Variants in TRIM24 observed in about 807,000 individuals in gnomAD.
The protein encoded by TRIM24 is tripartite motif containing 24.
Under a neutral mutation model 123.9 loss-of-function variants are expected in TRIM24, and 29 were observed. The ratio of observed to expected loss-of-function variants is 0.23; its 90% CI spans 0.17 to 0.32. TRIM24 has a LOEUF of 0.32. Ranked by LOEUF, TRIM24 falls within the 10% of genes least tolerant of loss-of-function variation. The pLI is 1.00. For synonymous variants in TRIM24, 456 were observed against 461.1 expected, an observed-to-expected ratio of 0.99 and a Z score of 0.14; for missense variants, 932 against 1,295.3, an observed-to-expected ratio of 0.72 and a Z score of 4.31.
chr7:138,577,462 C>T lies in TRIM24; in HGVS notation c.2130C>T (p.His710=). Residue 710 remains histidine (H), a synonymous_variant, in exon 14 of 19, where the codon CAC becomes CAT. Transcript: ENST00000343526. ...SSKPAGADST[H]KVPVVMLEPI... Reference sequence around the variant, plus strand: ...AACCAGCAGGAGCTGACTCTACACACAAAGTCCCAGTGGTCATGCTGGAGC... The same window carrying T: ...AACCAGCAGGAGCTGACTCTACACATAAAGTCCCAGTGGTCATGCTGGAGC... 6.3e-7 allele frequency: 1 copy of T among 1,599,430 alleles called. No homozygotes were observed. The highest frequency in any genetic ancestry group is 1.1e-5 in the South Asian group (1 of 88,932).
At chr7:138,478,532 A>G (rs1795454534) in intron 1 of TRIM24, among the ~76,000 whole-genome samples, 1 of 152,160 alleles carries the variant, frequency 6.6e-6, no homozygotes, top group South Asian at 2.1e-4. Flanking sequence ...GCTAGAGTGC[A>G]GTAGTGCAAA....
intron 1 of TRIM24, among the ~76,000 whole-genome samples, chr7:138,496,583 T>C (rs1795910676): frequency 6.6e-6 from 1 of 152,216 alleles, no homozygotes; most frequent in African/African-American, 2.4e-5. Flanking sequence ...CTTTATCAGG[T>C]TGAAGAAGTT....
chr7:138,535,714 G>A (rs901724468), intron 6 of TRIM24, among the ~76,000 whole-genome samples: 14 of 152,066 alleles, frequency 9.2e-5, no homozygotes, highest in Admixed American at 7.2e-4. Flanking sequence ...TCTTCTCAAG[G>A]AGTATCTTTG....
chr7:138,581,788 T>C lies in TRIM24; in HGVS notation c.2793+17T>C, dbSNP rs1437141477. ...CCTCTAACTGTAAGTATTAATGTCA[T>C]TTTCTGCATGTTTACACAGTGGAAT... On this transcript the variant is annotated intron_variant, in intron 17 of 18. Coordinates refer to ENST00000343526, the MANE Select transcript of TRIM24 (RefSeq NM_015905.3). 6.3e-7 allele frequency: 1 copy of C among 1,596,070 alleles called. No individual in the cohort carries two copies. The highest frequency in any genetic ancestry group is 8.6e-7 in the Non-Finnish European group (1 of 1,165,570).
intron 1 of TRIM24, among the ~76,000 whole-genome samples, chr7:138,496,716 G>A (rs1795915219): frequency 6.6e-6 from 1 of 151,884 alleles, no homozygotes; most frequent in Admixed American, 6.6e-5. Flanking sequence ...GCCCAGGCTG[G>A]TCTTGAACTC....
intron 1 of TRIM24, among the ~76,000 whole-genome samples, chr7:138,494,603 A>C (rs1300814680): frequency 1.3e-5 from 2 of 152,148 alleles, no homozygotes; most frequent in African/African-American, 4.8e-5. Flanking sequence ...AACAACAACA[A>C]AAAGAAAGAT....
intron 1 of TRIM24, among the ~76,000 whole-genome samples, chr7:138,473,352 G>A (rs948687135): frequency 6.6e-6 from 1 of 152,194 alleles, no homozygotes; most frequent in Non-Finnish European, 1.5e-5. Context: ...TCTACTTACT[G>A]TATGCAGACT....
intron 2 of TRIM24, among the ~76,000 whole-genome samples, chr7:138,508,708 CG>C (rs1200468663): frequency 6.6e-5 from 9 of 136,286 alleles, no homozygotes; most frequent in African/African-American, 2.1e-4. Context: ...CGCGTGTGTG[CG>C]TGTGTGTGTG....
chr7:138,580,028 G>A (rs1192086223), intron 15 of TRIM24, among the ~76,000 whole-genome samples: 1 of 152,130 alleles, frequency 6.6e-6, no homozygotes, highest in Non-Finnish European at 1.5e-5. Context: ...AGTTTATTAT[G>A]TCTTTTTGCC....
At chr7:138,465,283 A>G (rs973774484) in intron 1 of TRIM24, among the ~76,000 whole-genome samples, 3 of 152,080 alleles carry the variant, frequency 2.0e-5, no homozygotes, top group Admixed American at 6.6e-5. Context: ...CTTGACTGTC[A>G]TTTTCTTAGT....
chr7:138,478,897 C>T (rs1795464600), intron 1 of TRIM24, among the ~76,000 whole-genome samples: 1 of 152,092 alleles, frequency 6.6e-6, no homozygotes, highest in Non-Finnish European at 1.5e-5. Context: ...TAAATAGGAA[C>T]CCAAGGTGCT....
At chr7:138,503,396 G>T (rs1796081887) in intron 1 of TRIM24, among the ~76,000 whole-genome samples, 1 of 151,822 alleles carries the variant, frequency 6.6e-6, no homozygotes, top group Non-Finnish European at 1.5e-5. Flanking sequence ...CCTGCACAAT[G>T]ACCTTCACAA....
chr7:138,472,479 C>T (rs1795292710), intron 1 of TRIM24, among the ~76,000 whole-genome samples: 1 of 152,104 alleles, frequency 6.6e-6, no homozygotes, highest in African/African-American at 2.4e-5. Context: ...TTCTGAGCCC[C>T]CCACTGATTT....
intron 6 of TRIM24, among the ~76,000 whole-genome samples, chr7:138,531,293 G>GTGTTACATATGTTACATA: frequency 6.8e-6 from 1 of 147,910 alleles, no homozygotes; most frequent in Admixed American, 6.6e-5. Flanking sequence ...ATGTATACAT[G>GTGTTACATATGTTACATA]TGCCATGTTC....
chr7:138,503,462 A>T (rs564634582), intron 1 of TRIM24, among the ~76,000 whole-genome samples: 11 of 151,490 alleles, frequency 7.3e-5, no homozygotes, highest in East Asian at 5.8e-4. Context: ...TTGTAAAAAA[A>T]TTTTTTTTTC....
chr7:138,476,051 T>TA (rs982604159), intron 1 of TRIM24, among the ~76,000 whole-genome samples: 9 of 151,682 alleles, frequency 5.9e-5, no homozygotes, highest in Non-Finnish European at 1.0e-4. Flanking sequence ...AGCTTTCATT[T>TA]AAAAAAAAGA....
intron 1 of TRIM24, among the ~76,000 whole-genome samples, chr7:138,466,246 C>T (rs1347661709): frequency 1.3e-5 from 2 of 152,196 alleles, no homozygotes; most frequent in African/African-American, 2.4e-5. Flanking sequence ...CCACCCGCCT[C>T]GGCCTCCCGA....
intron 1 of TRIM24, among the ~76,000 whole-genome samples, chr7:138,466,072 T>C (rs6467775): frequency 0.88 from 133,223 of 152,162 alleles, 58,817 homozygotes; most frequent in African/African-American, 0.97. Flanking sequence ...GGTGCCATCT[T>C]GGCTCACTGC....
At chr7:138,509,153 T>A (rs961222309) in intron 2 of TRIM24, among the ~76,000 whole-genome samples, 3 of 151,812 alleles carry the variant, frequency 2.0e-5, no homozygotes, top group Non-Finnish European at 1.5e-5. Context: ...TTCTCCATGT[T>A]GGCCAGGCTG....
Sources: gnomAD v4.1 joint callset for allele counts (sites outside exome capture counted in the v4.1 genomes callset) on GRCh38, gnomAD v4.1.1 for gene constraint, MANE v1.5 for transcripts, NCBI Gene and HGNC (gene_info 2026-07-23, HGNC 2026-07-21) for gene names.